Variants in ADGRA1 observed in about 807,000 individuals in gnomAD.
The protein encoded by ADGRA1 is G-protein coupled receptor 123.
In ADGRA1, 12 loss-of-function variants were observed where a neutral mutation model predicts 21.3. The observed-to-expected ratio is 0.56, with a 90% confidence interval of 0.36 to 0.91. The LOEUF is 0.91. Among genes scored for constraint, ADGRA1 ranks in the 40% least tolerant of loss-of-function variants. The pLI is 0.01. For synonymous variants in ADGRA1, 385 were observed against 368.8 expected (o/e 1.04, Z -0.50); for missense variants, 790 against 805.6 (o/e 0.98, Z 0.23).
intron 5 of ADGRA1, among the ~76,000 whole-genome samples, chr10:133,103,371 C>T (rs969905705): frequency 6.6e-5 from 10 of 152,244 alleles, no homozygotes; most frequent in African/African-American, 9.6e-5. Context: ...CACTCAGGCA[C>T]TCATTTCAAG....
chr10:133,111,198 T>A (rs61032686), intron 5 of ADGRA1, among the ~76,000 whole-genome samples: 2,634 of 22,396 alleles, frequency 0.12, 376 homozygotes, highest in African/African-American at 0.29. Context: ...TCCTAATCCC[T>A]CCAGACAACC....
chr10:133,126,605 G>C (rs1372709994), intron 5 of ADGRA1, among the ~76,000 whole-genome samples: 1 of 152,184 alleles, frequency 6.6e-6, no homozygotes, highest in East Asian at 1.9e-4. Context: ...GCTGCATCCC[G>C]CTTGGATCCC....
At chr10:133,092,095 A>C (rs111702536) in intron 2 of ADGRA1, among the ~76,000 whole-genome samples, 2,070 of 152,314 alleles carry the variant, frequency 0.014, 15 homozygotes, top group African/African-American at 0.02. Context: ...ATCTCTGCTC[A>C]AATTTTACCC....
At chr10:133,095,921 T>C in intron 2 of ADGRA1, 1 of 1,150,188 alleles carries the variant, frequency 8.7e-7, no homozygotes. Context: ...CATGGCGTGG[T>C]CAGAGTGGCT....
chr10:133,087,951 C>G lies in ADGRA1; in HGVS notation c.-390C>G, dbSNP rs1242762543. On this transcript the variant is annotated 5_prime_UTR_variant, in exon 1 of 7. Transcript: ENST00000392607. ...AGAGGCGGCGGCGCTGCTGGCCGGG[C>G]TGGGCCGCTCGTGCGCGGGGCTGTG... The G allele has an allele frequency of 4.1e-6, 4 of 984,898 alleles. No homozygotes were observed. The highest frequency in any genetic ancestry group is 4.8e-6 in the Non-Finnish European group (4 of 829,820). 61.0% of individuals were successfully genotyped at this position (984,898 alleles called of 1,614,324 possible). A position where few individuals can be genotyped will look rare whatever the true frequency, so the allele number is the denominator to read the frequency against.
intron 4 of ADGRA1, among the ~76,000 whole-genome samples, chr10:133,100,248 C>T (rs577842935): frequency 1.1e-4 from 16 of 152,366 alleles, no homozygotes; most frequent in Admixed American, 8.5e-4. Flanking sequence ...TAAGGTCAGA[C>T]GTACCTCCTG....
chr10:133,115,610 C>T (rs1461762737), intron 5 of ADGRA1, among the ~76,000 whole-genome samples: 2 of 152,160 alleles, frequency 1.3e-5, no homozygotes, highest in Non-Finnish European at 2.9e-5. Context: ...TGAGTAATCA[C>T]AGGTGGCTCC....
chr10:133,121,198 C>T (rs547840345), intron 5 of ADGRA1, among the ~76,000 whole-genome samples: 1 of 152,284 alleles, frequency 6.6e-6, no homozygotes, highest in East Asian at 1.9e-4. Flanking sequence ...TACAGAATTA[C>T]CAAAATATGA....
chr10:133,127,711 C>G (rs951210234), intron 6 of ADGRA1, among the ~76,000 whole-genome samples: 2 of 152,024 alleles, frequency 1.3e-5, no homozygotes, highest in African/African-American at 4.8e-5. Context: ...ATTCAGGGCC[C>G]TCAGTTCCTT....
chr10:133,119,079 C>T (rs1852208535), intron 5 of ADGRA1, among the ~76,000 whole-genome samples: 1 of 152,232 alleles, frequency 6.6e-6, no homozygotes, highest in Admixed American at 6.5e-5. Flanking sequence ...CACACACACG[C>T]ACTCACATGC....
intron 4 of ADGRA1, among the ~76,000 whole-genome samples, chr10:133,100,462 C>A (rs1410409721): frequency 6.6e-6 from 1 of 152,212 alleles, no homozygotes; most frequent in Non-Finnish European, 1.5e-5. Context: ...CCCGCCCGCG[C>A]CTTCGGGAAC....
At chr10:133,088,949 G>A (rs569351142) in intron 2 of ADGRA1, 37 bp downstream of exon 2, 22 of 1,238,844 alleles carry the variant, frequency 1.8e-5, no homozygotes, top group Non-Finnish European at 2.2e-5. Context: ...GCAGCTGGGG[G>A]CTAGGCCGCT....
chr10:133,116,291 C>A (rs1293490046), intron 5 of ADGRA1, among the ~76,000 whole-genome samples: 3 of 151,850 alleles, frequency 2.0e-5, no homozygotes, highest in Admixed American at 1.3e-4. Flanking sequence ...ATAACAGTCC[C>A]TCGGCCTGTG....
chr10:133,102,648 G>C (rs530179162), intron 4 of ADGRA1, 49 bp from the exon 5 acceptor site: 1 of 1,570,474 alleles, frequency 6.4e-7, no homozygotes, highest in Non-Finnish European at 8.7e-7. Flanking sequence ...GCTGGGCTCT[G>C]GGGGGTGGGT....
intron 5 of ADGRA1, among the ~76,000 whole-genome samples, chr10:133,105,701 G>A (rs1851881663): frequency 2.0e-5 from 3 of 152,226 alleles, no homozygotes; most frequent in Admixed American, 1.3e-4. Context: ...GTCAGCAGAG[G>A]GGGCGGACAC....
chr10:133,110,937 G>T (rs893902701), intron 5 of ADGRA1, among the ~76,000 whole-genome samples: 1 of 152,146 alleles, frequency 6.6e-6, no homozygotes, highest in Non-Finnish European at 1.5e-5. Context: ...AGGTCCCCAA[G>T]CACCTGCTCC....
In ADGRA1 at chr10:133,129,298, C is replaced by G. The variant is rs755009317; in HGVS notation, c.1470C>G (p.Ser490Arg). 6.4e-6 allele frequency: 10 copies of G among 1,552,580 alleles called. No individual in the cohort carries two copies. Among genetic ancestry groups the G allele is most frequent in the Non-Finnish European group, 8.7e-6 (10 of 1,149,046 alleles). The change falls in exon 7 of 7, where the codon AGC becomes AGG. Residue 490 changes from serine (S) to arginine (R), a missense_variant. Physicochemically the swap from Ser to Arg is moderately radical, Grantham distance 110 (BLOSUM62 -1). Transcript: ENST00000392607. ...CCCAGCCCGAGGGCAGTGATGGGAG[C>G]CCTGCCCTCTACAGCTGCCCCACGC... Reference protein sequence around the residue: ...MVTQPEGSDGSPALYSCPTQP... With the variant: ...MVTQPEGSDGRPALYSCPTQP...
chr10:133,112,955 G>T (rs1852085372), intron 5 of ADGRA1, among the ~76,000 whole-genome samples: 1 of 149,338 alleles, frequency 6.7e-6, no homozygotes, highest in Non-Finnish European at 1.5e-5. Context: ...GGCTGTGTCG[G>T]TTATTTGGGG....
chr10:133,092,164 T>A (rs1366424267), intron 2 of ADGRA1, among the ~76,000 whole-genome samples: 2 of 152,214 alleles, frequency 1.3e-5, no homozygotes, highest in African/African-American at 4.8e-5. Context: ...ACGCAGGGCC[T>A]CTCACAGGGC....
Sources: allele counts gnomAD v4.1 joint callset (sites outside exome capture counted in the v4.1 genomes callset), GRCh38; gene constraint gnomAD v4.1.1; transcripts MANE v1.5; gene names NCBI Gene and HGNC (gene_info 2026-07-23, HGNC 2026-07-21).